AXDND1: variants seen among roughly 807,000 people sequenced by gnomAD.
AXDND1 encodes axonemal dynein light chain domain-containing protein 1.
AXDND1 carries 110 observed loss-of-function variants against 137.5 expected under a neutral mutation model. The ratio of observed to expected loss-of-function variants is 0.80; its 90% CI spans 0.69 to 0.94. The LOEUF (loss-of-function observed/expected upper bound fraction) is 0.94, where lower values mean the gene tolerates loss of function less well. Ranked by LOEUF, AXDND1 falls within the 40% of genes least tolerant of loss-of-function variation. AXDND1 has a pLI of 0.00. For missense variants in AXDND1, 1,191 were observed against 1,169.8 expected (o/e 1.02, Z -0.26); for synonymous variants, 414 against 399.7 (o/e 1.04, Z -0.43).
chr1:179,442,947 T>G (rs764899663), intron 15 of AXDND1, among the ~76,000 whole-genome samples: 2 of 152,120 alleles, frequency 1.3e-5, no homozygotes, highest in Non-Finnish European at 2.9e-5. Context: ...GGCCCTGAGC[T>G]TTACACAGCG....
chr1:179,376,181 T>C (rs574748680), intron 4 of AXDND1, among the ~76,000 whole-genome samples: 1 of 152,308 alleles, frequency 6.6e-6, no homozygotes. Flanking sequence ...CTGTGTTTAG[T>C]TCTCTAATTT....
chr1:179,365,952 C>G (rs906275872), upstream of AXDND1: 16 of 153,136 alleles, frequency 1.0e-4, no homozygotes, highest in Non-Finnish European at 1.6e-4. Flanking sequence ...GTTTCTATGA[C>G]GACAAACAGG....
chr1:179,397,968 T>G (rs1651334172), intron 11 of AXDND1, among the ~76,000 whole-genome samples: 1 of 152,176 alleles, frequency 6.6e-6, no homozygotes, highest in Non-Finnish European at 1.5e-5. Context: ...TTCCTATCCA[T>G]AGCATGAATT....
intron 25 of AXDND1, chr1:179,550,759 AAT>A (rs1673137644): frequency 3.7e-6 from 1 of 271,320 alleles, no homozygotes; most frequent in East Asian, 8.9e-5. Context: ...ACAGAAGAGC[AAT>A]AGAGTGTGAC....
chr1:179,445,431 G>A (rs1212285947), intron 16 of AXDND1, among the ~76,000 whole-genome samples: 1 of 151,992 alleles, frequency 6.6e-6, no homozygotes. Flanking sequence ...TCACAGATGT[G>A]TGCATCTATT....
intron 18 of AXDND1, among the ~76,000 whole-genome samples, chr1:179,489,839 G>A (rs533550032): frequency 9.5e-5 from 14 of 147,136 alleles, no homozygotes; most frequent in Admixed American, 8.4e-4. Flanking sequence ...TCCGCCTCCC[G>A]GGTTCAAGCC....
intron 16 of AXDND1, among the ~76,000 whole-genome samples, chr1:179,461,195 T>G (rs1164852755): frequency 6.6e-6 from 1 of 152,238 alleles, no homozygotes; most frequent in African/African-American, 2.4e-5. Context: ...GTCTAACATT[T>G]AAGTCTTTAA....
chr1:179,550,071 C>T (rs1286133447), intron 25 of AXDND1, among the ~76,000 whole-genome samples: 1 of 152,146 alleles, frequency 6.6e-6, no homozygotes, highest in Admixed American at 6.5e-5. Context: ...ATTTGGATTT[C>T]CATATTTCGG....
At chr1:179,503,732 G>A (rs1292197900) in intron 20 of AXDND1, among the ~76,000 whole-genome samples, 3 of 151,894 alleles carry the variant, frequency 2.0e-5, no homozygotes, top group African/African-American at 7.3e-5. Context: ...AGTCCCCGGA[G>A]TGTGTGATGT....
intron 12 of AXDND1, among the ~76,000 whole-genome samples, chr1:179,419,420 C>T (rs908440830): frequency 6.7e-5 from 10 of 149,062 alleles, no homozygotes; most frequent in Middle Eastern, 3.2e-3. Context: ...GAGACCAGCC[C>T]GGCCAACACA....
intron 4 of AXDND1, among the ~76,000 whole-genome samples, chr1:179,374,345 G>C (rs1423938979): frequency 1.1e-4 from 16 of 152,168 alleles, no homozygotes; most frequent in Non-Finnish European, 1.2e-4. Flanking sequence ...GAGAGGATGT[G>C]GAGAAATAGG....
chr1:179,411,016 C>T, intron 11 of AXDND1, 130 bp from the exon 12 acceptor site: 1 of 657,170 alleles, frequency 1.5e-6, no homozygotes, highest in Non-Finnish European at 2.4e-6. Context: ...GCAATTATAC[C>T]ATAATTACCT....
intron 12 of AXDND1, among the ~76,000 whole-genome samples, chr1:179,415,211 G>A (rs766884850): frequency 3.3e-5 from 5 of 151,990 alleles, no homozygotes; most frequent in Non-Finnish European, 7.4e-5. Flanking sequence ...GCATATTGGC[G>A]GGTGTCTGTA....
intron 25 of AXDND1, among the ~76,000 whole-genome samples, chr1:179,541,473 G>A (rs113579429): frequency 0.033 from 4,579 of 139,290 alleles, 217 homozygotes; most frequent in African/African-American, 0.11. Flanking sequence ...CGGAAAATCC[G>A]TTTTTGTTTT....
intron 11 of AXDND1, among the ~76,000 whole-genome samples, chr1:179,400,904 CAAAAAAA>C (rs151090012): frequency 3.7e-5 from 2 of 53,666 alleles, no homozygotes; most frequent in Admixed American, 3.3e-4. Context: ...GACTCTGTCT[CAAAAAAA>C]AAAAAAAAAA....
Position 179,525,335 on chromosome 1 carries a change from A to C in AXDND1, c.2498A>C (p.Glu833Ala). 6.2e-7 allele frequency: 1 copy of C among 1,609,246 alleles called. No homozygotes were observed. Among genetic ancestry groups the C allele is most frequent in the Non-Finnish European group, 8.5e-7 (1 of 1,177,634 alleles). The change falls in exon 22 of 26, where the codon GAG becomes GCG. Residue 833 changes from glutamate (E) to alanine (A), a missense_variant and splice_region_variant. Physicochemically the swap from Glu to Ala is moderately radical, Grantham distance 107 (BLOSUM62 -1). Coordinates refer to ENST00000367618, the MANE Select transcript of AXDND1 (RefSeq NM_144696.6). ...YEEIERLLEE[E>A]AVKEFIEPEI... The stretch of plus-strand genomic sequence containing the variant: ...TCATAATATTGGTTCATCTCACAGG[A>C]GGCTGTAAAAGAATTCATTGAGCCT...
rs187388701 is a variant in AXDND1, at chr1:179,433,779, C to T, written c.1563+1437C>T. Among the ~76,000 whole-genome samples the T allele has an allele frequency of 5.3e-3, 806 of 152,234 alleles. 10 individuals carry two copies. The highest frequency in any genetic ancestry group is 0.019 in the African/African-American group (782 of 41,522). ...GCATTTTCTGAGGAGTGTTTTACTT[C>T]CAATTGTGTGGATGATTTTAGAATA... On this transcript the variant is annotated intron_variant, in intron 15 of 25. Coordinates refer to ENST00000367618, the MANE Select transcript of AXDND1 (RefSeq NM_144696.6).
At chr1:179,384,287 A>G (rs1470349344) in intron 8 of AXDND1, among the ~76,000 whole-genome samples, 1 of 152,110 alleles carries the variant, frequency 6.6e-6, no homozygotes, top group African/African-American at 2.4e-5. Context: ...TTTGTTCTGA[A>G]CCATTTAGAG....
At chr1:179,519,359 C>A (rs1411864690) in intron 21 of AXDND1, among the ~76,000 whole-genome samples, 6 of 152,118 alleles carry the variant, frequency 3.9e-5, no homozygotes, top group African/African-American at 1.2e-4. Context: ...TGGATAGTTT[C>A]TTTTACTGTC....
Sources: gnomAD v4.1 joint callset for allele counts (sites outside exome capture counted in the v4.1 genomes callset) on GRCh38, gnomAD v4.1.1 for gene constraint, MANE v1.5 for transcripts, NCBI Gene and HGNC (gene_info 2026-07-23, HGNC 2026-07-21) for gene names.